Variants in EDA observed in about 807,000 individuals in gnomAD.
The protein encoded by EDA is ectodysplasin-A.
In EDA, 2 loss-of-function variants were observed where a neutral mutation model predicts 23.6. That is an observed-to-expected ratio of 0.08 (90% CI 0.03 to 0.27). EDA has a LOEUF of 0.27. EDA is among the 10% of genes least tolerant of loss of function. The pLI, the probability that EDA is intolerant of heterozygous loss-of-function variation, is 1.00. For synonymous variants in EDA, 131 were observed against 132.0 expected (o/e 0.99, Z 0.05); for missense variants, 229 against 324.2 (o/e 0.71, Z 2.26).
chrX:69,876,095 A>G (rs1474727581), intron 1 of EDA, among the ~76,000 whole-genome samples: 1 of 111,981 alleles, frequency 8.9e-6, no homozygotes, highest in Non-Finnish European at 1.9e-5. Context: ...TTAAAGAACT[A>G]AAAGTAGATC....
At chrX:69,682,420 C>G (rs765735413) in intron 1 of EDA, among the ~76,000 whole-genome samples, 7 of 112,440 alleles carry the variant, frequency 6.2e-5, no homozygotes, top group Non-Finnish European at 1.1e-4. Flanking sequence ...CTCCCCCAGC[C>G]TCGCTGCCAC....
intron 1 of EDA, among the ~76,000 whole-genome samples, chrX:69,635,566 CTT>C (rs138087284): frequency 4.9e-4 from 31 of 63,452 alleles, no homozygotes; most frequent in South Asian, 1.2e-3. Context: ...AACACCAAAT[CTT>C]TTTTTTTTTT....
At chrX:69,857,085 C>T (rs1472815141) in intron 1 of EDA, among the ~76,000 whole-genome samples, 1 of 111,862 alleles carries the variant, frequency 8.9e-6, no homozygotes, top group Non-Finnish European at 1.9e-5. Flanking sequence ...CATTTTCCAA[C>T]ATGTGGCTTG....
chrX:69,788,526 T>C (rs1331559896), intron 1 of EDA, among the ~76,000 whole-genome samples: 2 of 112,031 alleles, frequency 1.8e-5, no homozygotes, highest in African/African-American at 6.5e-5. Context: ...GACCCTCAGC[T>C]GCAGGTCTGT....
chrX:69,703,533 C>T (rs997785885), intron 1 of EDA, among the ~76,000 whole-genome samples: 1 of 112,395 alleles, frequency 8.9e-6, no homozygotes, highest in African/African-American at 3.2e-5. Context: ...TAATGAGCGC[C>T]TGGGTGCAGA....
chrX:69,731,440 CT>C (rs1285873469), intron 1 of EDA, among the ~76,000 whole-genome samples: 6 of 105,840 alleles, frequency 5.7e-5, no homozygotes, highest in African/African-American at 1.4e-4. Flanking sequence ...TATTCTTTTT[CT>C]TTTTTTTTTC....
intron 2 of EDA, among the ~76,000 whole-genome samples, chrX:69,969,959 G>A (rs6625542): frequency 0.097 from 10,677 of 110,072 alleles, 911 homozygotes; most frequent in East Asian, 0.6. Flanking sequence ...TTTTTTAATT[G>A]GCCAAGCTGG....
chrX:69,665,940 CGAT>C (rs773862612), intron 1 of EDA, among the ~76,000 whole-genome samples: 147 of 111,237 alleles, frequency 1.3e-3, no homozygotes, highest in African/African-American at 4.6e-3. Flanking sequence ...TTTTTCCAAT[CGAT>C]GAGCATGGGA....
intron 1 of EDA, among the ~76,000 whole-genome samples, chrX:69,885,829 T>C (rs1316588853): frequency 1.8e-5 from 2 of 112,132 alleles, no homozygotes; most frequent in Non-Finnish European, 3.8e-5. Context: ...TTGGTCCTGC[T>C]ACCAAAACCA....
At chrX:69,790,103 G>C (rs1001623394) in intron 1 of EDA, among the ~76,000 whole-genome samples, 1 of 111,485 alleles carries the variant, frequency 9.0e-6, no homozygotes, top group East Asian at 2.8e-4. Flanking sequence ...AATCCTAATA[G>C]CTCAGAATAT....
chrX:69,633,924 T>C (rs928376587), intron 1 of EDA, among the ~76,000 whole-genome samples: 1 of 112,321 alleles, frequency 8.9e-6, no homozygotes, highest in Non-Finnish European at 1.9e-5. Flanking sequence ...GTTTAACTTA[T>C]TGAGGAACCA....
chrX:69,655,787 T>TATA (rs6151315), intron 1 of EDA, among the ~76,000 whole-genome samples: 1 of 88,372 alleles, frequency 1.1e-5, no homozygotes, highest in Non-Finnish European at 2.1e-5. Flanking sequence ...TATATATATA[T>TATA]TGCACTTTGT....
chrX:70,010,295 G>A (rs1356955716), intron 2 of EDA, among the ~76,000 whole-genome samples: 2 of 112,065 alleles, frequency 1.8e-5, no homozygotes, highest in Non-Finnish European at 3.8e-5. Context: ...TGTCAGGCAC[G>A]CATACATTAA....
chrX:69,709,446 A>G (rs1414130855), intron 1 of EDA, among the ~76,000 whole-genome samples: 1 of 111,823 alleles, frequency 8.9e-6, no homozygotes, highest in Admixed American at 9.5e-5. Flanking sequence ...CTCAGCTCTA[A>G]TGTGGCACAT....
intron 1 of EDA, among the ~76,000 whole-genome samples, chrX:69,901,245 G>A (rs1286815113): frequency 8.9e-6 from 1 of 111,778 alleles, no homozygotes; most frequent in Non-Finnish European, 1.9e-5. Context: ...TTAGGTTATT[G>A]TGTTATTATG....
At chrX:69,665,569 C>T (rs1272996124) in intron 1 of EDA, among the ~76,000 whole-genome samples, 6 of 111,153 alleles carry the variant, frequency 5.4e-5, no homozygotes, top group Non-Finnish European at 1.1e-4. Flanking sequence ...CTACCCTTTC[C>T]CCATTGTGTT....
At chrX:70,003,071 G>A (rs1169763878) in intron 2 of EDA, among the ~76,000 whole-genome samples, 2 of 112,102 alleles carry the variant, frequency 1.8e-5, no homozygotes, top group Admixed American at 9.4e-5. Flanking sequence ...ATAAATCCTT[G>A]TATAGCATTT....
intron 1 of EDA, among the ~76,000 whole-genome samples, chrX:69,921,750 T>G (rs2147665671): frequency 9.0e-6 from 1 of 111,590 alleles, no homozygotes; most frequent in East Asian, 2.8e-4. Flanking sequence ...GATTCTTTTG[T>G]CAAATTCTGT....
At chrX:69,748,026 C>T (rs2013677727) in intron 1 of EDA, among the ~76,000 whole-genome samples, 1 of 111,431 alleles carries the variant, frequency 9.0e-6, no homozygotes, top group Non-Finnish European at 1.9e-5. Context: ...TGAAATCATA[C>T]TCAAATCATA....
Sources: gnomAD v4.1 joint callset for allele counts (sites outside exome capture counted in the v4.1 genomes callset) on GRCh38, gnomAD v4.1.1 for gene constraint, MANE v1.5 for transcripts, NCBI Gene and HGNC (gene_info 2026-07-23, HGNC 2026-07-21) for gene names.